Variants in MPZL1 observed in about 807,000 individuals in gnomAD.
The protein encoded by MPZL1 is myelin protein zero like 1.
MPZL1 carries 16 observed loss-of-function variants against 29.3 expected under a neutral mutation model. The observed-to-expected ratio is 0.55, with a 90% CI of 0.37 to 0.83. The LOEUF (loss-of-function observed/expected upper bound fraction) is 0.83, where lower values mean the gene tolerates loss of function less well. Among genes scored for constraint, MPZL1 ranks in the 40% least tolerant of loss-of-function variants. The pLI, the probability that MPZL1 is intolerant of heterozygous loss-of-function variation, is 0.00. For missense variants in MPZL1, 279 were observed against 332.9 expected (o/e 0.84, Z 1.26); for synonymous variants, 143 against 132.0 (o/e 1.08, Z -0.57).
chr1:167,754,266 T>A (rs1660822413), intron 1 of MPZL1, among the ~76,000 whole-genome samples: 1 of 152,186 alleles, frequency 6.6e-6, no homozygotes, highest in Non-Finnish European at 1.5e-5. Flanking sequence ...CCCAAAGTGC[T>A]GGGATTATAG....
chr1:167,731,267 T>A (rs1415859819), intron 1 of MPZL1, among the ~76,000 whole-genome samples: 1 of 152,028 alleles, frequency 6.6e-6, no homozygotes, highest in Non-Finnish European at 1.5e-5. Context: ...AAACCCCATC[T>A]CTACTAATAA....
intron 1 of MPZL1, among the ~76,000 whole-genome samples, chr1:167,741,892 G>A (rs1377932906): frequency 1.3e-5 from 2 of 151,974 alleles, no homozygotes; most frequent in Non-Finnish European, 2.9e-5. Context: ...AGTTAGCTGG[G>A]CCTGATGGCT....
intron 1 of MPZL1, among the ~76,000 whole-genome samples, chr1:167,735,638 G>T (rs1233185023): frequency 6.6e-6 from 1 of 152,144 alleles, no homozygotes; most frequent in African/African-American, 2.4e-5. Context: ...GGGTAGGCTG[G>T]CAGGCTGGAG....
chr1:167,741,058 C>T (rs1255988751), intron 1 of MPZL1, among the ~76,000 whole-genome samples: 2 of 152,200 alleles, frequency 1.3e-5, no homozygotes, highest in Non-Finnish European at 2.9e-5. Context: ...GCTCTGTCAC[C>T]CAGACTCAAG....
chr1:167,762,622 C>A (rs556510043), intron 1 of MPZL1, among the ~76,000 whole-genome samples: 6 of 152,174 alleles, frequency 3.9e-5, no homozygotes, highest in Non-Finnish European at 1.5e-5. Flanking sequence ...CCTGTTTACA[C>A]CTACACTTGT....
At chr1:167,769,880 G>A (rs115592866) in intron 2 of MPZL1, among the ~76,000 whole-genome samples, 5 of 152,270 alleles carry the variant, frequency 3.3e-5, no homozygotes, top group Non-Finnish European at 5.9e-5. Flanking sequence ...AGAGAAGAGA[G>A]AACTGAGAGA....
intron 1 of MPZL1, among the ~76,000 whole-genome samples, chr1:167,738,856 G>A (rs1029190712): frequency 1.3e-5 from 2 of 152,118 alleles, no homozygotes; most frequent in African/African-American, 2.4e-5. Context: ...GCAGAACCAC[G>A]AGCCAATTAA....
intron 1 of MPZL1, among the ~76,000 whole-genome samples, chr1:167,757,924 T>G (rs1262888611): frequency 6.6e-6 from 1 of 151,956 alleles, no homozygotes; most frequent in Non-Finnish European, 1.5e-5. Context: ...CCAAGGCAGG[T>G]GGATCACTTG....
chr1:167,774,546 T>A (rs143430025), intron 4 of MPZL1: 1 of 152,378 alleles, frequency 6.6e-6, no homozygotes, highest in African/African-American at 2.4e-5. Context: ...GTTTTATGAT[T>A]AAATATAGTT....
In MPZL1 at chr1:167,773,379, CTG is replaced by C. The variant is rs1303501336; in HGVS notation, c.605+13_605+14del. The C allele has an allele frequency of 1.2e-6, 2 of 1,608,600 alleles. No individual in the cohort carries two copies. The highest frequency in any genetic ancestry group is 1.7e-6 in the Non-Finnish European group (2 of 1,178,156). On this transcript the variant is annotated intron_variant, in intron 4 of 5. Coordinates refer to ENST00000359523, the MANE Select transcript of MPZL1 (RefSeq NM_003953.6). ...ACGGGATTACACTGGGTAAGAAACA[CTG>C]TTTTTTTAGGGCAGGGGTGGAGGGA...
In MPZL1 at chr1:167,739,304, T is replaced by TAC. The variant is rs1363382053; in HGVS notation, c.91+17063_91+17064insCA. ...ATACATATATATATATATATATATA[T>TAC]ATATACACATATATATATTTATGTT... is the stretch of plus-strand genomic sequence containing the variant. On this transcript the variant is annotated intron_variant, in intron 1 of 5. Transcript: ENST00000359523. Among the ~76,000 whole-genome samples the TAC allele has an allele frequency of 2.2e-3, 207 of 93,836 alleles. 15 individuals carry two copies. Among genetic ancestry groups the TAC allele is most frequent in the African/African-American group, 0.012 (205 of 16,574 alleles). 61.6% of individuals were successfully genotyped at this position (93,836 alleles called of 152,430 possible).
intron 5 of MPZL1, among the ~76,000 whole-genome samples, chr1:167,782,309 A>G (rs1398738742): frequency 6.6e-6 from 1 of 152,144 alleles, no homozygotes; most frequent in Non-Finnish European, 1.5e-5. Flanking sequence ...CTTATTTTAT[A>G]CCTCAAAACT....
intron 2 of MPZL1, chr1:167,766,000 A>G (rs1303647304): frequency 1.0e-5 from 3 of 288,930 alleles, no homozygotes; most frequent in Non-Finnish European, 1.9e-5. Context: ...TTAATTGACC[A>G]CACTGACTCT....
At chr1:167,785,270 C>T (rs574078607) in intron 5 of MPZL1, among the ~76,000 whole-genome samples, 68 of 152,200 alleles carry the variant, frequency 4.5e-4, no homozygotes, top group Middle Eastern at 3.2e-3. Context: ...ACAGTCTAAC[C>T]ATTGGCAGGC....
intron 1 of MPZL1, among the ~76,000 whole-genome samples, chr1:167,723,415 A>T (rs980896771): frequency 2.0e-5 from 3 of 152,182 alleles, no homozygotes; most frequent in Non-Finnish European, 2.9e-5. Context: ...AAGTCTCCCT[A>T]CCCTCCAGGG....
At chr1:167,752,207 TA>T (rs1331319765) in intron 1 of MPZL1, among the ~76,000 whole-genome samples, 1 of 152,266 alleles carries the variant, frequency 6.6e-6, no homozygotes, top group African/African-American at 2.4e-5. Context: ...GTATACCAGA[TA>T]AAATTCAAGT....
At chr1:167,778,109 T>G (rs1410129955) in intron 5 of MPZL1, among the ~76,000 whole-genome samples, 1 of 151,732 alleles carries the variant, frequency 6.6e-6, no homozygotes, top group Admixed American at 6.6e-5. Context: ...GATCACGAGG[T>G]CAGGAGTTCG....
At chr1:167,784,141 G>GT (rs981201472) in intron 5 of MPZL1, among the ~76,000 whole-genome samples, 1 of 152,064 alleles carries the variant, frequency 6.6e-6, no homozygotes, top group African/African-American at 2.4e-5. Flanking sequence ...ACCAGTTATG[G>GT]TTTTTTTATT....
At chr1:167,722,363 G>C (rs1440843682) in intron 1 of MPZL1, 121 bp downstream of exon 1, 1 of 1,224,400 alleles carries the variant, frequency 8.2e-7, no homozygotes, top group Non-Finnish European at 1.0e-6. Context: ...GAGGGGGCGC[G>C]GCCTGCGCTC....
Sources: gnomAD v4.1 joint callset for allele counts (sites outside exome capture counted in the v4.1 genomes callset) on GRCh38, gnomAD v4.1.1 for gene constraint, MANE v1.5 for transcripts, NCBI Gene and HGNC (gene_info 2026-07-23, HGNC 2026-07-21) for gene names.